NEDD4: variants seen among roughly 807,000 people sequenced by gnomAD.
NEDD4 encodes NEDD4 E3 ubiquitin protein ligase.
A neutral mutation model predicts 144.9 loss-of-function variants in NEDD4; 99 were observed. The observed-to-expected ratio is 0.68, with a 90% CI of 0.58 to 0.81. The LOEUF is 0.81. Among genes scored for constraint, NEDD4 ranks in the 30% least tolerant of loss-of-function variants. The probability of loss-of-function intolerance (pLI) is 0.00; values close to 1 mark genes in which losing one functional copy is unlikely to be tolerated. For synonymous variants in NEDD4, 318 were observed against 350.6 expected, an observed-to-expected ratio of 0.91 and a Z score of 1.04; for missense variants, 985 against 1,065.9, an observed-to-expected ratio of 0.92 and a Z score of 1.06.
intron 5 of NEDD4, among the ~76,000 whole-genome samples, chr15:55,907,054 C>A (rs1193621445): frequency 6.6e-6 from 1 of 151,702 alleles, no homozygotes; most frequent in Admixed American, 6.6e-5. Flanking sequence ...AAGATCACGG[C>A]ACTGCACTCC....
intron 5 of NEDD4, among the ~76,000 whole-genome samples, chr15:55,896,989 T>C (rs555590840): frequency 6.6e-6 from 1 of 152,246 alleles, no homozygotes; most frequent in South Asian, 2.1e-4. Context: ...CATGGCTTTT[T>C]TTGAGATGGA....
chr15:55,861,125 T>C (rs2034388988), intron 9 of NEDD4, among the ~76,000 whole-genome samples: 1 of 152,208 alleles, frequency 6.6e-6, no homozygotes, highest in South Asian at 2.1e-4. Context: ...ATTGTATTAT[T>C]TTGCCATGTT....
At chr15:55,947,795 C>T (rs1367668155) in intron 4 of NEDD4, among the ~76,000 whole-genome samples, 4 of 152,112 alleles carry the variant, frequency 2.6e-5, no homozygotes, top group Admixed American at 6.6e-5. Flanking sequence ...ATTGATGGGA[C>T]GTATCTCAAA....
chr15:55,955,469 TACCCCTC>T (rs1193360007), intron 2 of NEDD4, among the ~76,000 whole-genome samples: 3 of 152,162 alleles, frequency 2.0e-5, no homozygotes, highest in East Asian at 1.9e-4. Context: ...CATTTCTACT[TACCCCTC>T]ACCCCTCACC....
chr15:55,873,401 G>T (rs2034876043), intron 6 of NEDD4, among the ~76,000 whole-genome samples: 1 of 151,984 alleles, frequency 6.6e-6, no homozygotes, highest in Non-Finnish European at 1.5e-5. Context: ...TAAATTTTTT[G>T]CTTTTCAAAA....
chr15:55,930,062 G>C (rs2036750172), intron 4 of NEDD4, among the ~76,000 whole-genome samples: 1 of 152,166 alleles, frequency 6.6e-6, no homozygotes, highest in African/African-American at 2.4e-5. Flanking sequence ...AACAGAGTCA[G>C]TGAAAGAATT....
At chr15:55,965,255 T>A (rs539024222) in intron 2 of NEDD4, among the ~76,000 whole-genome samples, 16 of 151,974 alleles carry the variant, frequency 1.1e-4, no homozygotes, top group Admixed American at 7.9e-4. Flanking sequence ...CTGGAGTGCA[T>A]TGGCACAATC....
intron 2 of NEDD4, among the ~76,000 whole-genome samples, chr15:55,954,993 T>TATTGC (rs1157455433): frequency 6.6e-6 from 1 of 152,164 alleles, no homozygotes; most frequent in Non-Finnish European, 1.5e-5. Flanking sequence ...CACTGCATTG[T>TATTGC]ATTGCATTGC....
intron 14 of NEDD4, among the ~76,000 whole-genome samples, chr15:55,849,409 G>C (rs560327403): frequency 6.6e-6 from 1 of 151,970 alleles, no homozygotes; most frequent in Admixed American, 6.6e-5. Flanking sequence ...ATATTTAATA[G>C]AGACGGGGTT....
At chr15:55,993,406 G>T in intron 1 of NEDD4, 105 bp downstream of exon 1, 2 of 1,402,390 alleles carry the variant, frequency 1.4e-6, no homozygotes, top group Non-Finnish European at 2.0e-6. Context: ...GGGAGGAGGG[G>T]CTGACAGCAG....
At chr15:55,891,481 CA>C (rs1359486397) in intron 5 of NEDD4, among the ~76,000 whole-genome samples, 2 of 152,170 alleles carry the variant, frequency 1.3e-5, no homozygotes, top group African/African-American at 4.8e-5. Flanking sequence ...CCTAGCCAAC[CA>C]ATTGTTCCAA....
chr15:55,881,390 C>T (rs1334872796), intron 5 of NEDD4, among the ~76,000 whole-genome samples: 1 of 152,122 alleles, frequency 6.6e-6, no homozygotes, highest in Non-Finnish European at 1.5e-5. Context: ...ATCTACCCAC[C>T]TCGGCCTTCC....
chr15:55,848,484 C>A (rs1171529306), intron 16 of NEDD4, 37 bp downstream of exon 16: 5 of 1,612,596 alleles, frequency 3.1e-6, no homozygotes, highest in Non-Finnish European at 2.5e-6. Context: ...AAATTTATTA[C>A]AAAAAATAAC....
chr15:55,858,235 T>C (rs1323582891), intron 11 of NEDD4, among the ~76,000 whole-genome samples: 1 of 152,110 alleles, frequency 6.6e-6, no homozygotes, highest in Non-Finnish European at 1.5e-5. Flanking sequence ...TGTATTACTT[T>C]AAGTAAAAAA....
intron 8 of NEDD4, among the ~76,000 whole-genome samples, chr15:55,865,277 T>C (rs768220736): frequency 4.6e-5 from 7 of 150,792 alleles, no homozygotes; most frequent in Non-Finnish European, 8.8e-5. Context: ...AATACGCAGA[T>C]TACTTAGAAA....
Position 55,903,717 on chromosome 15 carries a change from C to T in NEDD4, c.291+20929G>A, listed in dbSNP as rs538167649. Among the ~76,000 whole-genome samples the T allele has an allele frequency of 2.3e-3, 350 of 150,572 alleles. 3 individuals carry two copies. Among genetic ancestry groups the T allele is most frequent in the African/African-American group, 8.1e-3 (331 of 40,928 alleles). On this transcript the variant is annotated intron_variant, in intron 5 of 28. Transcript: ENST00000435532. ...GCAGGTGCCTGTAGTCCCAGCTACT[C>T]GGGAGGCTGAGGCAGGAGAATGGCG...
intron 5 of NEDD4, chr15:55,916,573 GAC>G (rs1257301014): frequency 6.2e-7 from 1 of 1,614,070 alleles, no homozygotes; most frequent in Admixed American, 1.7e-5. Flanking sequence ...GAAATCTGTA[GAC>G]AGCTGCTCTT....
chr15:55,969,617 T>C (rs928091988), intron 1 of NEDD4, among the ~76,000 whole-genome samples: 2 of 151,946 alleles, frequency 1.3e-5, no homozygotes, highest in African/African-American at 2.4e-5. Flanking sequence ...GAAGCCCCCA[T>C]TCTAGGTCAT....
chr15:55,942,654 C>T (rs909662952), intron 4 of NEDD4, among the ~76,000 whole-genome samples: 2 of 152,156 alleles, frequency 1.3e-5, no homozygotes, highest in African/African-American at 2.4e-5. Flanking sequence ...CAATTACAGC[C>T]GTTTTCTTTA....
Sources: allele counts gnomAD v4.1 joint callset (sites outside exome capture counted in the v4.1 genomes callset), GRCh38; gene constraint gnomAD v4.1.1; transcripts MANE v1.5; gene names NCBI Gene and HGNC (gene_info 2026-07-23, HGNC 2026-07-21).